UGT1A3: variants seen among roughly 807,000 people sequenced by gnomAD.
UGT1A3 encodes the protein UDP-glucuronosyltransferase 1A3.
A neutral mutation model predicts 41.0 loss-of-function variants in UGT1A3; 31 were observed. The ratio of observed to expected loss-of-function variants is 0.76; its 90% CI spans 0.57 to 1.02. The LOEUF (loss-of-function observed/expected upper bound fraction) is 1.02. UGT1A3 is among the 50% of genes least tolerant of loss of function. The probability of loss-of-function intolerance (pLI) is 0.00; values close to 1 mark genes in which losing one functional copy is unlikely to be tolerated. For synonymous variants in UGT1A3, 262 were observed against 257.6 expected (o/e 1.02, Z -0.17); for missense variants, 737 against 671.0 (o/e 1.10, Z -1.09).
Position 233,769,872 on chromosome 2 carries a change from A to G in UGT1A3, c.1307+1433A>G. 2.2e-6 allele frequency: 1 copy of G among 452,556 alleles called. No individual in the cohort carries two copies. The highest frequency in any genetic ancestry group is 3.7e-6 in the Non-Finnish European group (1 of 267,272). The allele number at this position is 452,556 out of a possible 1,614,324, so 28.0% of individuals were successfully genotyped here. A position where few individuals can be genotyped will look rare whatever the true frequency, so the allele number is the denominator to read the frequency against. ...GACCCTGTCTCAAAAAAAAAAAAAA[A>G]AATGAAAAGTCCACATAACCTGAGC... On this transcript the variant is annotated intron_variant, in intron 4 of 4. Coordinates refer to ENST00000482026, the MANE Select transcript of UGT1A3 (RefSeq NM_019093.4). The surrounding 1 kb of genome is among the most constrained non-coding windows in gnomAD (Gnocchi z 4.4).
At chr2:233,752,994 T>C (rs1324115545) in intron 1 of UGT1A3, among the ~76,000 whole-genome samples, 2 of 152,114 alleles carry the variant, frequency 1.3e-5, no homozygotes, top group Admixed American at 1.3e-4. Flanking sequence ...ACCCACTCAT[T>C]CTATCCTACC....
At chr2:233,753,801 T>C (rs1243795738) in intron 1 of UGT1A3, 1 of 152,208 alleles carries the variant, frequency 6.6e-6, no homozygotes, top group Admixed American at 6.5e-5. Context: ...GGACCTACCA[T>C]AGTTGGAGAA....
At chr2:233,768,134 C>CT (rs1360779750) in intron 3 of UGT1A3, 86 bp from the exon 4 acceptor site, 2 of 1,607,930 alleles carry the variant, frequency 1.2e-6, no homozygotes, top group African/African-American at 2.7e-5. Flanking sequence ...AACACTGAGT[C>CT]TTTGGAGTGT....
At position 233,765,498 on chromosome 2, in the gene UGT1A3, A is replaced by T. The variant is rs145381988; in HGVS notation, c.868-1536A>T. Among the ~76,000 whole-genome samples the T allele has an allele frequency of 4.4e-3, 672 of 152,238 alleles. 2 individuals carry two copies. Among genetic ancestry groups the T allele is most frequent in the African/African-American group, 0.015 (643 of 41,546 alleles). On this transcript the variant is annotated intron_variant, in intron 1 of 4. Coordinates refer to ENST00000482026, the MANE Select transcript of UGT1A3 (RefSeq NM_019093.4). ...GGAAGCCATCATCCTCCACAAACTAACACAGGAACAGAAAATCAAACACCG... is the reference window on the plus strand; with the variant it reads ...GGAAGCCATCATCCTCCACAAACTATCACAGGAACAGAAAATCAAACACCG...
intron 1 of UGT1A3, among the ~76,000 whole-genome samples, chr2:233,732,631 T>C (rs1341811470): frequency 6.6e-6 from 1 of 152,240 alleles, no homozygotes; most frequent in Non-Finnish European, 1.5e-5. Context: ...TGTGGTGTTA[T>C]TTCTGAGACC....
At chr2:233,754,037 T>C (rs1376554387) in intron 1 of UGT1A3, among the ~76,000 whole-genome samples, 1 of 152,244 alleles carries the variant, frequency 6.6e-6, no homozygotes, top group Non-Finnish European at 1.5e-5. Context: ...ATGCATCCAC[T>C]TTGCCAGGTT....
At position 233,729,044 on chromosome 2, in the gene UGT1A3, T is replaced by G. The variant is rs1356759266; in HGVS notation, c.-83T>G. 6.2e-7 allele frequency: 1 copy of G among 1,607,146 alleles called. No individual in the cohort carries two copies. Among genetic ancestry groups the G allele is most frequent in the East Asian group, 2.2e-5 (1 of 44,822 alleles). Reference sequence around the variant, plus strand: ...CACGTTGATTTGCTAAGTGGCTCAGTGACAAGGTAATTAAGATGAAGAAAG... The same window carrying G: ...CACGTTGATTTGCTAAGTGGCTCAGGGACAAGGTAATTAAGATGAAGAAAG... On this transcript the variant is annotated 5_prime_UTR_variant, in exon 1 of 5. Transcript: ENST00000482026.
chr2:233,743,732 C>G (rs1474165671), intron 1 of UGT1A3: 4 of 1,367,408 alleles, frequency 2.9e-6, no homozygotes, highest in Non-Finnish European at 3.9e-6. Flanking sequence ...ATAGATATCG[C>G]GTTTCTTGGC....
At chr2:233,766,890 A>G (rs1433588040) in intron 1 of UGT1A3, 144 bp from the exon 2 acceptor site, 1 of 1,467,048 alleles carries the variant, frequency 6.8e-7, no homozygotes, top group Non-Finnish European at 9.0e-7. Flanking sequence ...TAAAACTTAC[A>G]TATTAATAAT....
At chr2:233,740,769 G>A (rs1277809292) in intron 1 of UGT1A3, 1 of 151,756 alleles carries the variant, frequency 6.6e-6, no homozygotes, top group African/African-American at 2.4e-5. Flanking sequence ...TCAAACCGTT[G>A]TATAAAAGAT....
chr2:233,757,562 G>GATATATATA (rs1696648748), intron 1 of UGT1A3, among the ~76,000 whole-genome samples: 1 of 90,870 alleles, frequency 1.1e-5, no homozygotes, highest in African/African-American at 5.1e-5. Context: ...ATATATATAT[G>GATATATATA]TATATATGAT....
At chr2:233,743,465 CA>C (rs1314661599) in intron 1 of UGT1A3, 5 of 1,366,480 alleles carry the variant, frequency 3.7e-6, no homozygotes, top group Middle Eastern at 4.2e-4. Flanking sequence ...AAAACACCCC[CA>C]AAAGCTGGAA....
intron 1 of UGT1A3, among the ~76,000 whole-genome samples, chr2:233,757,296 G>A (rs1428870685): frequency 7.7e-6 from 1 of 129,554 alleles, no homozygotes; most frequent in African/African-American, 2.9e-5. Flanking sequence ...ACAGCTGGGG[G>A]TTGGGGGACA....
chr2:233,747,300 G>A (rs1415294813), intron 1 of UGT1A3: 68 of 1,602,464 alleles, frequency 4.2e-5, no homozygotes, highest in Admixed American at 3.8e-4. Flanking sequence ...CTGAGAGTGG[G>A]AAGGTGCTGG....
rs936564729 is a variant in UGT1A3, at chr2:233,733,619, C to T, written c.867+3626C>T. ...GTGATGGATTACATTTATTGATTTG[C>T]ATATGTTGAACCAGCCTTGCATCCC... On this transcript the variant is annotated intron_variant, in intron 1 of 4. Coordinates refer to ENST00000482026, the MANE Select transcript of UGT1A3 (RefSeq NM_019093.4). Among the ~76,000 whole-genome samples, 7 of 152,296 alleles carry T rather than the reference C, an allele frequency of 4.6e-5. No homozygotes were observed. In the Middle Eastern group the frequency reaches 0.014, roughly 296 times the overall value.
At chr2:233,733,112 C>A (rs1009344972) in intron 1 of UGT1A3, among the ~76,000 whole-genome samples, 13 of 152,124 alleles carry the variant, frequency 8.5e-5, no homozygotes, top group African/African-American at 2.9e-4. Flanking sequence ...CTCTGTTTGT[C>A]TGTTATTGGT....
intron 4 of UGT1A3, chr2:233,771,059 G>A (rs1001475755): frequency 6.6e-6 from 1 of 152,046 alleles, no homozygotes; most frequent in Non-Finnish European, 1.5e-5. Flanking sequence ...TTTAATGACC[G>A]GCTCTCACAA....
At chr2:233,766,573 T>A (rs1699187468) in intron 1 of UGT1A3, among the ~76,000 whole-genome samples, 1 of 152,150 alleles carries the variant, frequency 6.6e-6, no homozygotes, top group Non-Finnish European at 1.5e-5. Context: ...TGGGCACAGG[T>A]CTGGGGGTGG....
chr2:233,756,209 T>A (rs1696149779), intron 1 of UGT1A3: 1 of 152,246 alleles, frequency 6.6e-6, no homozygotes. Flanking sequence ...TCCCTGGTAT[T>A]CTGAAGGGAT....
Sources: allele counts gnomAD v4.1 joint callset (sites outside exome capture counted in the v4.1 genomes callset), GRCh38; gene constraint gnomAD v4.1.1; non-coding constraint Gnocchi (gnomAD v3.1); transcripts MANE v1.5; gene names NCBI Gene and HGNC (gene_info 2026-07-23, HGNC 2026-07-21).